PSD3: variants seen among roughly 807,000 people sequenced by gnomAD.
PSD3 encodes the protein pleckstrin and Sec7 domain containing 3, also known as PH and SEC7 domain-containing protein 3.
In PSD3, 49 loss-of-function variants were observed where a neutral mutation model predicts 105.5. That is an observed-to-expected ratio of 0.46 (90% CI 0.37 to 0.59). The LOEUF is 0.59. Ranked by LOEUF, PSD3 falls within the 20% of genes least tolerant of loss-of-function variation. The probability of loss-of-function intolerance (pLI) is 0.00; values close to 1 mark genes in which losing one functional copy is unlikely to be tolerated. For synonymous variants in PSD3, 557 were observed against 457.8 expected (o/e 1.22, Z -2.77); for missense variants, 1,561 against 1,263.8 (o/e 1.24, Z -3.57).
At position 18,846,295 on chromosome 8, in the gene PSD3, A is replaced by G. The variant is rs534843374; in HGVS notation, c.1634+21379T>C. 3.9e-5 allele frequency among the ~76,000 whole-genome samples: 6 copies of G among 152,316 alleles called. No individual in the cohort carries two copies. In the East Asian group the frequency reaches 1.2e-3, roughly 29 times the overall value. On this transcript the variant is annotated intron_variant, in intron 4 of 15. Transcript: ENST00000327040. The stretch of plus-strand genomic sequence containing the variant: ...CCTGCTAAACCTCACTCCAAGGCTC[A>G]AGGGCACAAGTAGGCCCTTCAACCT...
chr8:18,890,616 A>G (rs1156228877), intron 2 of PSD3, among the ~76,000 whole-genome samples: 1 of 152,228 alleles, frequency 6.6e-6, no homozygotes, highest in African/African-American at 2.4e-5. Flanking sequence ...GGAAACATAC[A>G]GTATAAAAGG....
chr8:18,965,169 T>C (rs2129471481), intron 1 of PSD3, among the ~76,000 whole-genome samples: 1 of 152,306 alleles, frequency 6.6e-6, no homozygotes, highest in South Asian at 2.1e-4. Flanking sequence ...CCATCCCAAA[T>C]AGCAACATTA....
chr8:18,534,888 TG>T lies in PSD3; in HGVS notation c.*854del, dbSNP rs1799773283. On this transcript the variant is annotated 3_prime_UTR_variant, in exon 16 of 16. Transcript: ENST00000327040. ...GGAAGGATATCAACGATAGAGATGA[TG>T]GATTTCTAGTCTAGACCCTGTGGGA... 2 of 152,576 alleles carry T rather than the reference TG, an allele frequency of 1.3e-5. No individual in the cohort carries two copies. Among genetic ancestry groups the T allele is most frequent in the South Asian group, 4.1e-4 (2 of 4,832 alleles). The allele number at this position is 152,576 out of a possible 1,614,324, so 9.5% of individuals were successfully genotyped here.
intron 2 of PSD3, among the ~76,000 whole-genome samples, chr8:18,881,367 G>A (rs917038187): frequency 5.9e-5 from 9 of 152,120 alleles, no homozygotes; most frequent in African/African-American, 2.2e-4. Flanking sequence ...GAGAAAATAA[G>A]CCTGTTCCAT....
chr8:18,592,374 T>A (rs570855726), intron 12 of PSD3, among the ~76,000 whole-genome samples: 12 of 152,186 alleles, frequency 7.9e-5, no homozygotes, highest in African/African-American at 2.6e-4. Flanking sequence ...AAGAGAGCCT[T>A]ATACACATCA....
chr8:18,702,517 T>G (rs1203483365), intron 9 of PSD3, among the ~76,000 whole-genome samples: 3 of 152,214 alleles, frequency 2.0e-5, no homozygotes, highest in Admixed American at 6.5e-5. Flanking sequence ...AATGATCAAG[T>G]CAGGGTAACT....
At chr8:18,680,672 G>T (rs1378427242) in intron 9 of PSD3, among the ~76,000 whole-genome samples, 1 of 152,134 alleles carries the variant, frequency 6.6e-6, no homozygotes, top group Admixed American at 6.6e-5. Context: ...CTCTCTAGAG[G>T]AAATGGTAAG....
intron 9 of PSD3, among the ~76,000 whole-genome samples, chr8:18,750,025 T>TAGA (rs1805343280): frequency 1.3e-5 from 2 of 152,122 alleles, no homozygotes; most frequent in African/African-American, 4.8e-5. Flanking sequence ...AACCCAAACC[T>TAGA]CTAACCCACA....
chr8:18,578,516 C>A (rs986866677), intron 12 of PSD3, among the ~76,000 whole-genome samples: 11 of 152,032 alleles, frequency 7.2e-5, no homozygotes, highest in African/African-American at 2.7e-4. Context: ...TTCTATGTAA[C>A]CGTTGGGATG....
intron 8 of PSD3, among the ~76,000 whole-genome samples, chr8:18,773,591 C>G (rs914996912): frequency 6.6e-6 from 1 of 152,040 alleles, no homozygotes; most frequent in African/African-American, 2.4e-5. Context: ...AAAATTAAGT[C>G]TTCCAGTCCA....
upstream of PSD3, chr8:19,014,609 A>C (rs1383855529): frequency 2.0e-5 from 3 of 152,274 alleles, no homozygotes; most frequent in Non-Finnish European, 2.9e-5. This position sits in a 1 kb window ranked among gnomAD's most constrained non-coding sequence, Gnocchi z 4.9. Flanking sequence ...GGCCGGCTAC[A>C]GGGTGGTCCT....
intron 2 of PSD3, among the ~76,000 whole-genome samples, chr8:18,877,565 A>T (rs1175585078): frequency 1.4e-5 from 2 of 146,048 alleles, no homozygotes; most frequent in African/African-American, 5.1e-5. Context: ...TCTTTTTGAC[A>T]GGATCTCACT....
intron 8 of PSD3, among the ~76,000 whole-genome samples, chr8:18,772,146 C>G (rs897592844): frequency 6.6e-6 from 1 of 152,136 alleles, no homozygotes; most frequent in Non-Finnish European, 1.5e-5. Flanking sequence ...AACATTTGGT[C>G]TGCTTCTACT....
intron 9 of PSD3, among the ~76,000 whole-genome samples, chr8:18,738,213 A>C (rs989773041): frequency 6.6e-6 from 1 of 152,158 alleles, no homozygotes; most frequent in African/African-American, 2.4e-5. Flanking sequence ...TATCATTTCA[A>C]ATTAGAGGCC....
In PSD3 at chr8:18,535,559, G is replaced by T; in HGVS notation, c.*184C>A. On this transcript the variant is annotated 3_prime_UTR_variant, in exon 16 of 16. Transcript: ENST00000327040. ...CTATCAAGTTGCAAAAATCATCAAA[G>T]CAAAAGAAATCAAGAGCAAAGACAA... 1.7e-6 allele frequency: 1 copy of T among 602,472 alleles called. No homozygotes were observed. Among genetic ancestry groups the T allele is most frequent in the Non-Finnish European group, 2.9e-6 (1 of 347,598 alleles). The allele number at this position is 602,472 out of a possible 1,614,324, so 37.3% of individuals were successfully genotyped here.
chr8:18,826,469 A>G (rs1389137499), intron 4 of PSD3, among the ~76,000 whole-genome samples: 1 of 152,228 alleles, frequency 6.6e-6, no homozygotes, highest in Non-Finnish European at 1.5e-5. Flanking sequence ...TATATGGCTC[A>G]TCAAACAGCA....
rs573205431 is a variant in PSD3, at chr8:18,719,260, C to T, written c.2172+46189G>A. ...TTCCTGGGTACAATACACAGAGTTC[C>T]TCTAAACAAGACTGCATTCTGACCT... On this transcript the variant is annotated intron_variant, in intron 9 of 15. Coordinates refer to ENST00000327040, the MANE Select transcript of PSD3 (RefSeq NM_015310.4). 4.6e-5 allele frequency among the ~76,000 whole-genome samples: 7 copies of T among 152,222 alleles called. No homozygotes were observed. In the South Asian group the frequency reaches 1.5e-3, roughly 32 times the overall value.
intron 11 of PSD3, among the ~76,000 whole-genome samples, chr8:18,615,193 C>G (rs1432785301): frequency 7.0e-6 from 1 of 143,688 alleles, no homozygotes; most frequent in Non-Finnish European, 1.6e-5. Flanking sequence ...TCCACCCTGA[C>G]TCATTCTGAT....
At position 18,564,110 on chromosome 8, in the gene PSD3, TC is replaced by T; in HGVS notation, c.2785-7759del. Among the ~76,000 whole-genome samples, 3 of 119,060 alleles carry T rather than the reference TC, an allele frequency of 2.5e-5. No individual in the cohort carries two copies. In the Admixed American group the frequency reaches 2.6e-4, roughly 10 times the overall value. 78.1% of individuals were successfully genotyped at this position (119,060 alleles called of 152,430 possible). A position where few individuals can be genotyped will look rare whatever the true frequency, so the allele number is the denominator to read the frequency against. ...GGGAAAAAATTTAAAGTTTTCTTCT[TC>T]TTTTTTTTTTTTAATCTAAGCACTA... On this transcript the variant is annotated intron_variant, in intron 14 of 15. Coordinates refer to ENST00000327040, the MANE Select transcript of PSD3 (RefSeq NM_015310.4).
Sources: gnomAD v4.1 joint callset for allele counts (sites outside exome capture counted in the v4.1 genomes callset) on GRCh38, gnomAD v4.1.1 for gene constraint, Gnocchi (gnomAD v3.1) non-coding constraint, MANE v1.5 for transcripts, NCBI Gene and HGNC (gene_info 2026-07-23, HGNC 2026-07-21) for gene names.